GPC3: variants seen among roughly 807,000 people sequenced by gnomAD.
GPC3 encodes the protein glypican 3.
GPC3 carries 3 observed loss-of-function variants against 34.4 expected under a neutral mutation model. The observed-to-expected ratio is 0.09, with a 90% CI of 0.04 to 0.23. GPC3 has a LOEUF of 0.23. Ranked by LOEUF, GPC3 falls within the 10% of genes least tolerant of loss-of-function variation. The pLI is 1.00. For synonymous variants in GPC3, 177 were observed against 174.0 expected (o/e 1.02, Z -0.13); for missense variants, 351 against 445.6 (o/e 0.79, Z 1.91).
chrX:133,799,388 T>C (rs1453946039), intron 2 of GPC3, among the ~76,000 whole-genome samples: 1 of 110,554 alleles, frequency 9.0e-6, no homozygotes, highest in Non-Finnish European at 1.9e-5. Context: ...CCAGACCCTG[T>C]CTCAAAAAAA....
chrX:133,627,976 A>T (rs142298441), intron 6 of GPC3, among the ~76,000 whole-genome samples: 1,478 of 112,494 alleles, frequency 0.013, 31 homozygotes, highest in African/African-American at 0.044. Flanking sequence ...CTATTGTTTG[A>T]CATCAGTAGA....
chrX:133,933,671 A>G (rs959052211), intron 2 of GPC3, among the ~76,000 whole-genome samples: 2 of 108,718 alleles, frequency 1.8e-5, no homozygotes, highest in African/African-American at 6.7e-5. Flanking sequence ...CTGATCATTT[A>G]AAAGTGTGTG....
intron 6 of GPC3, among the ~76,000 whole-genome samples, chrX:133,624,559 G>A (rs1259567722): frequency 8.9e-6 from 1 of 111,770 alleles, no homozygotes; most frequent in Non-Finnish European, 1.9e-5. Flanking sequence ...AGAAAATCTA[G>A]AAGAAATGGA....
chrX:133,560,228 G>T (rs1056005944), intron 7 of GPC3, among the ~76,000 whole-genome samples: 6 of 111,189 alleles, frequency 5.4e-5, no homozygotes, highest in South Asian at 7.6e-4. Context: ...TCAAACACTC[G>T]GCAATCTTTC....
intron 3 of GPC3, among the ~76,000 whole-genome samples, chrX:133,711,010 C>T (rs1453899002): frequency 9.0e-6 from 1 of 111,550 alleles, no homozygotes; most frequent in East Asian, 2.8e-4. Context: ...TACCACTCCC[C>T]CAAATATACT....
chrX:133,665,865 C>A (rs1306133889), intron 5 of GPC3, among the ~76,000 whole-genome samples: 1 of 111,826 alleles, frequency 8.9e-6, no homozygotes, highest in Non-Finnish European at 1.9e-5. Flanking sequence ...GAAGCAGAGA[C>A]CCTATTTGCA....
At chrX:133,564,142 A>G (rs1467292048) in intron 7 of GPC3, among the ~76,000 whole-genome samples, 1 of 111,564 alleles carries the variant, frequency 9.0e-6, no homozygotes, top group African/African-American at 3.3e-5. Flanking sequence ...AGATGGATGC[A>G]CAGAAGTGAT....
At chrX:133,756,468 T>C (rs946266122) in intron 2 of GPC3, among the ~76,000 whole-genome samples, 12 of 112,228 alleles carry the variant, frequency 1.1e-4, no homozygotes, top group Non-Finnish European at 2.1e-4. Context: ...GGGAAAAGAC[T>C]GCTGTGGATA....
intron 2 of GPC3, among the ~76,000 whole-genome samples, chrX:133,925,363 A>C (rs1320832838): frequency 9.0e-6 from 1 of 111,152 alleles, no homozygotes; most frequent in Non-Finnish European, 1.9e-5. Flanking sequence ...TCTGGACTGC[A>C]AAGAACACCA....
intron 3 of GPC3, among the ~76,000 whole-genome samples, chrX:133,744,681 T>C (rs920387394): frequency 8.9e-6 from 1 of 112,420 alleles, no homozygotes; most frequent in Admixed American, 9.4e-5. Context: ...CAAAGAATTA[T>C]AAATCATTAT....
In GPC3 at chrX:133,614,469, GA is replaced by G. The variant is rs764520267; in HGVS notation, c.1414-17871del. On this transcript the variant is annotated intron_variant, in intron 6 of 7. Transcript: ENST00000370818. ...TGAGATGACATTCAAAACACTGAAA[GA>G]AAAAAAAAAAACTGTCATCTAATAA... Among the ~76,000 whole-genome samples, 474 of 95,883 alleles carry G rather than the reference GA, an allele frequency of 4.9e-3. 3 individuals carry two copies. Among genetic ancestry groups the G allele is most frequent in the African/African-American group, 9.1e-3 (248 of 27,223 alleles). The allele number at this position is 95,883 out of a possible 115,157, so 83.3% of individuals were successfully genotyped here. A position where few individuals can be genotyped will look rare whatever the true frequency, so the allele number is the denominator to read the frequency against.
chrX:133,603,938 C>A (rs2070017081), intron 6 of GPC3, among the ~76,000 whole-genome samples: 1 of 111,386 alleles, frequency 9.0e-6, no homozygotes, highest in South Asian at 3.9e-4. Flanking sequence ...TGAAATTAGA[C>A]CAGTGAGAGC....
chrX:133,613,322 T>G (rs746038438), intron 6 of GPC3, among the ~76,000 whole-genome samples: 2 of 111,960 alleles, frequency 1.8e-5, no homozygotes, highest in South Asian at 7.5e-4. Context: ...TAAACCTATT[T>G]TTGTAACAAT....
At chrX:133,581,825 C>T (rs959987050) in intron 7 of GPC3, among the ~76,000 whole-genome samples, 1 of 112,519 alleles carries the variant, frequency 8.9e-6, no homozygotes, top group Non-Finnish European at 1.9e-5. Context: ...ATAGGAGCAA[C>T]TTCTTTACTG....
At chrX:133,662,597 T>C (rs1367935738) in intron 5 of GPC3, among the ~76,000 whole-genome samples, 1 of 112,440 alleles carries the variant, frequency 8.9e-6, no homozygotes, top group Non-Finnish European at 1.9e-5. Flanking sequence ...TTTGCCAACT[T>C]CAACTGGGAC....
At chrX:133,896,988 G>C (rs1469474273) in intron 2 of GPC3, among the ~76,000 whole-genome samples, 1 of 102,782 alleles carries the variant, frequency 9.7e-6, no homozygotes, top group African/African-American at 3.6e-5. Context: ...CTCACTGCAA[G>C]CTCCACCTCC....
intron 7 of GPC3, among the ~76,000 whole-genome samples, chrX:133,585,443 G>T (rs1299915642): frequency 1.8e-5 from 2 of 110,381 alleles, no homozygotes; most frequent in South Asian, 3.9e-4. Context: ...CACTCTGCAC[G>T]CTCACGATTC....
At chrX:133,694,576 C>T (rs2124433028) in intron 4 of GPC3, among the ~76,000 whole-genome samples, 1 of 110,517 alleles carries the variant, frequency 9.0e-6, no homozygotes, top group Admixed American at 9.7e-5. Flanking sequence ...ATTCCCCCCA[C>T]TCCATAAGGA....
At chrX:133,735,577 A>G (rs1421968201) in intron 3 of GPC3, among the ~76,000 whole-genome samples, 2 of 112,063 alleles carry the variant, frequency 1.8e-5, no homozygotes, top group African/African-American at 6.5e-5. Flanking sequence ...TGACACATAA[A>G]GAAATATATA....
Sources: allele counts gnomAD v4.1 joint callset (sites outside exome capture counted in the v4.1 genomes callset), GRCh38; gene constraint gnomAD v4.1.1; transcripts MANE v1.5; gene names NCBI Gene and HGNC (gene_info 2026-07-23, HGNC 2026-07-21).